FANCD2OS: variants seen among roughly 807,000 people sequenced by gnomAD.
The protein encoded by FANCD2OS is FANCD2 opposite strand, also known as FANCD2 opposite strand protein.
Under a neutral mutation model 13.2 loss-of-function variants are expected in FANCD2OS, and 11 were observed. The ratio of observed to expected loss-of-function variants is 0.83; its 90% CI spans 0.52 to 1.38. The LOEUF (loss-of-function observed/expected upper bound fraction) is 1.38. Ranked by LOEUF, FANCD2OS falls within the 40% of genes most tolerant of loss-of-function variation. The pLI is 0.00. For synonymous variants in FANCD2OS, 69 were observed against 84.5 expected (o/e 0.82, Z 1.01); for missense variants, 217 against 213.9 (o/e 1.01, Z -0.09).
chr3:10,096,505 T>C lies in FANCD2OS; in HGVS notation c.*43+7693A>G, dbSNP rs2272124. On this transcript the variant is annotated intron_variant, in intron 2 of 2. Coordinates refer to the FANCD2OS transcript ENST00000524279. ...TTGGATCCTGCTAGTGATAATCCCC[T>C]ACTCTTATTCTTTGTGACAGCATCA... is the stretch of plus-strand genomic sequence containing the variant. 287,053 of 1,605,722 alleles carry C rather than the reference T, an allele frequency of 0.18. 29,771 individuals carry two copies. Among genetic ancestry groups the C allele is most frequent in the African/African-American group, 0.47 (34,924 of 74,662 alleles).
downstream of FANCD2OS, among the ~76,000 whole-genome samples, chr3:10,102,143 C>CT (rs747148572): frequency 0.016 from 2,086 of 133,168 alleles, 39 homozygotes; most frequent in African/African-American, 0.043. Flanking sequence ...ATCTTCTTTC[C>CT]TTTTTTTTTT....
chr3:10,081,333 T>C lies in FANCD2OS; in HGVS notation c.*242A>G, dbSNP rs759732362. On this transcript the variant is annotated 3_prime_UTR_variant, in exon 3 of 3. Coordinates refer to the FANCD2OS transcript ENST00000524279. ...TACTGAAGCAACTGTCCTAAAATCA[T>C]TTTTATTTTTAGTGTTTAGCTGCTG... 1.2e-6 allele frequency: 2 copies of C among 1,612,274 alleles called. No homozygotes were observed. Among genetic ancestry groups the C allele is most frequent in the Non-Finnish European group, 1.7e-6 (2 of 1,178,444 alleles).
chr3:10,088,630 T>C (rs1458056060), intron 2 of FANCD2OS: 1 of 1,122,552 alleles, frequency 8.9e-7, no homozygotes, highest in Non-Finnish European at 1.4e-6. Flanking sequence ...AATGACCTTT[T>C]TAGTGGGAAT....
chr3:10,107,834 C>T (rs552165793), intron 1 of FANCD2OS, among the ~76,000 whole-genome samples, 181 bp downstream of exon 1: 2 of 152,042 alleles, frequency 1.3e-5, no homozygotes, highest in Non-Finnish European at 2.9e-5. Flanking sequence ...AAAGATGGTT[C>T]ACCCCATCCC....
At chr3:10,100,519 C>T (rs933368842), downstream of FANCD2OS, among the ~76,000 whole-genome samples, 2 of 152,116 alleles carry the variant, frequency 1.3e-5, no homozygotes, top group Non-Finnish European at 2.9e-5. Flanking sequence ...TTACAGGTGC[C>T]TGCAACCATG....
chr3:10,102,975 G>A (rs1020228650), downstream of FANCD2OS: 3 of 323,926 alleles, frequency 9.3e-6, no homozygotes, highest in African/African-American at 4.6e-5. Flanking sequence ...ACGCTACAAA[G>A]GCCAGATATT....
At chr3:10,087,281 C>CTTTTTTTTTTTTTTTTTTTTTTTTTTTT in intron 2 of FANCD2OS, 2 of 1,310,526 alleles carry the variant, frequency 1.5e-6, no homozygotes, top group Non-Finnish European at 1.0e-6. Context: ...GGCCTAGATC[C>CTTTTTTTTTTTTTTTTTTTTTTTTTTTT]TTTTTTTTTT....
At position 10,106,526 on chromosome 3, in the gene FANCD2OS, G is replaced by A. The variant is rs561453301; in HGVS notation, c.-9+1489C>T. ...CCTTCTTCTCCCACAGAAGATAGCAGCAGATCTCATCCTATCCAGTAATTG... is the reference window on the plus strand; with the variant it reads ...CCTTCTTCTCCCACAGAAGATAGCAACAGATCTCATCCTATCCAGTAATTG... On this transcript the variant is annotated intron_variant, in intron 1 of 1. Transcript: ENST00000450660. 1.6e-3 allele frequency among the ~76,000 whole-genome samples: 248 copies of A among 152,214 alleles called. 2 individuals carry two copies. Among genetic ancestry groups the A allele is most frequent in the African/African-American group, 5.9e-3 (244 of 41,556 alleles).
downstream of FANCD2OS, chr3:10,101,163 T>TA: frequency 6.3e-7 from 1 of 1,580,008 alleles, no homozygotes; most frequent in South Asian, 1.1e-5. Context: ...CTAAAATGCT[T>TA]ATTTATTTAT....
chr3:10,094,227 G>T lies in FANCD2OS; in HGVS notation c.*43+9971C>A. 4 of 1,241,988 alleles carry T rather than the reference G, an allele frequency of 3.2e-6. No homozygotes were observed. The South Asian group carries it at 4.8e-5, about 15-fold the overall frequency. The allele number at this position is 1,241,988 out of a possible 1,614,324, so 76.9% of individuals were successfully genotyped here. On this transcript the variant is annotated intron_variant, in intron 2 of 2. Coordinates refer to the FANCD2OS transcript ENST00000524279. The stretch of plus-strand genomic sequence containing the variant: ...CCCTTGGGCTGGATGAGACTATTCT[G>T]CCTCAGGGGCCTTTCAGTGAGATAC...
intron 2 of FANCD2OS, chr3:10,093,384 ACC>A: frequency 7.3e-7 from 1 of 1,362,698 alleles, no homozygotes; most frequent in Non-Finnish European, 1.1e-6. Flanking sequence ...TCTAGAGAGG[ACC>A]TCAGCTGAGA....
downstream of FANCD2OS, chr3:10,101,706 C>A (rs536186201): frequency 3.7e-6 from 1 of 266,850 alleles, no homozygotes; most frequent in South Asian, 6.3e-5. Flanking sequence ...AAAGTGGGGT[C>A]TTTATTAACT....
At chr3:10,102,834 C>T (rs577010033), downstream of FANCD2OS, 1,373 of 173,644 alleles carry the variant, frequency 7.9e-3, 13 homozygotes, top group Non-Finnish European at 0.012. Flanking sequence ...CAGAGCGAGA[C>T]TCCGTCTCAA....
At chr3:10,084,000 G>T (rs1051108031) in intron 2 of FANCD2OS, among the ~76,000 whole-genome samples, 3 of 150,758 alleles carry the variant, frequency 2.0e-5, no homozygotes, top group African/African-American at 7.3e-5. Flanking sequence ...CCATGCTTTT[G>T]TGTGTGTGTG....
intron 2 of FANCD2OS, among the ~76,000 whole-genome samples, chr3:10,082,489 T>TA (rs1363226823): frequency 1.3e-5 from 2 of 152,178 alleles, no homozygotes; most frequent in African/African-American, 4.8e-5. Flanking sequence ...TTTCTTGAGT[T>TA]AAAACTCTCT....
intron 2 of FANCD2OS, among the ~76,000 whole-genome samples, chr3:10,095,540 T>C (rs1326722687): frequency 1.3e-5 from 2 of 152,230 alleles, no homozygotes; most frequent in Non-Finnish European, 2.9e-5. Context: ...AATGCTGGTA[T>C]ATGTTTACTT....
chr3:10,086,501 T>C (rs1303144813), intron 2 of FANCD2OS, among the ~76,000 whole-genome samples: 1 of 152,102 alleles, frequency 6.6e-6, no homozygotes, highest in Non-Finnish European at 1.5e-5. Flanking sequence ...TCTTCTTTTT[T>C]TTTTCTTTGA....
At chr3:10,091,188 C>T (rs1391774236) in intron 2 of FANCD2OS, among the ~76,000 whole-genome samples, 1 of 149,276 alleles carries the variant, frequency 6.7e-6, no homozygotes, top group Non-Finnish European at 1.5e-5. Context: ...TCAGATGATC[C>T]TCCCACGTCA....
intron 1 of FANCD2OS, among the ~76,000 whole-genome samples, chr3:10,105,793 T>A (rs1409706185): frequency 1.1e-4 from 7 of 63,988 alleles, no homozygotes; most frequent in African/African-American, 9.5e-4. Context: ...TATATATATA[T>A]ATATATATAT....
Sources: gnomAD v4.1 joint callset for allele counts (sites outside exome capture counted in the v4.1 genomes callset) on GRCh38, gnomAD v4.1.1 for gene constraint, MANE v1.5 for transcripts, NCBI Gene and HGNC (gene_info 2026-07-23, HGNC 2026-07-21) for gene names.